The following SNTG1 variants were observed in gnomAD, a reference collection of about 807,000 sequenced individuals.
The protein encoded by SNTG1 is gamma-1-syntrophin.
SNTG1 carries 39 observed loss-of-function variants against 74.7 expected under a neutral mutation model. The observed-to-expected ratio is 0.52, with a 90% CI of 0.40 to 0.68. The LOEUF (loss-of-function observed/expected upper bound fraction) is 0.68, where lower values mean the gene tolerates loss of function less well. Ranked by LOEUF, SNTG1 falls within the 30% of genes least tolerant of loss-of-function variation. The pLI is 0.00. For synonymous variants in SNTG1, 254 were observed against 217.1 expected (o/e 1.17, Z -1.49); for missense variants, 685 against 609.5 (o/e 1.12, Z -1.30).
chr8:50,508,704 G>A (rs1186576179), intron 9 of SNTG1, among the ~76,000 whole-genome samples: 1 of 152,046 alleles, frequency 6.6e-6, no homozygotes, highest in Non-Finnish European at 1.5e-5. Flanking sequence ...GTCTGTTGGT[G>A]GCATAAATGT....
intron 1 of SNTG1, among the ~76,000 whole-genome samples, chr8:50,007,197 T>C (rs1815320331): frequency 6.6e-6 from 1 of 152,118 alleles, no homozygotes; most frequent in South Asian, 2.1e-4. Flanking sequence ...TCTTCCCTCT[T>C]TGAGGCTGCG....
At chr8:50,581,032 C>G (rs1250243982) in intron 12 of SNTG1, among the ~76,000 whole-genome samples, 1 of 152,142 alleles carries the variant, frequency 6.6e-6, no homozygotes, top group East Asian at 1.9e-4. Context: ...TGTGTAATTA[C>G]TTAAGTAAAA....
chr8:49,920,334 A>G (rs1267702846), intron 1 of SNTG1, among the ~76,000 whole-genome samples: 1 of 152,070 alleles, frequency 6.6e-6, no homozygotes, highest in Non-Finnish European at 1.5e-5. Context: ...TCACAGCAGG[A>G]CTAGGAAGCT....
intron 18 of SNTG1, among the ~76,000 whole-genome samples, chr8:50,771,875 C>G (rs1245587379): frequency 6.6e-6 from 1 of 152,040 alleles, no homozygotes; most frequent in Non-Finnish European, 1.5e-5. Flanking sequence ...TTGAAAGGCA[C>G]AAGCAGTAAG....
intron 2 of SNTG1, among the ~76,000 whole-genome samples, chr8:50,181,908 C>A (rs899996553): frequency 6.6e-6 from 1 of 151,930 alleles, no homozygotes; most frequent in Admixed American, 6.6e-5. Context: ...ATCAATAGTG[C>A]AAGAAGGGCC....
intron 2 of SNTG1, among the ~76,000 whole-genome samples, chr8:50,257,495 A>G (rs1250846245): frequency 1.3e-5 from 2 of 152,190 alleles, no homozygotes; most frequent in Non-Finnish European, 2.9e-5. Flanking sequence ...TGTTCTTTGA[A>G]CTAATTTCGA....
intron 8 of SNTG1, among the ~76,000 whole-genome samples, chr8:50,486,001 G>C (rs1365940715): frequency 2.0e-5 from 3 of 152,086 alleles, no homozygotes; most frequent in Non-Finnish European, 2.9e-5. Flanking sequence ...CGTTATTTCT[G>C]AGGGCTCTGT....
intron 17 of SNTG1, among the ~76,000 whole-genome samples, chr8:50,737,275 A>AGTTT (rs1403687014): frequency 1.1e-4 from 16 of 152,182 alleles, no homozygotes; most frequent in African/African-American, 3.9e-4. Context: ...AGAATACTAT[A>AGTTT]AACAGCTCTA....
At chr8:50,569,424 A>G (rs990854444) in intron 12 of SNTG1, among the ~76,000 whole-genome samples, 1 of 152,074 alleles carries the variant, frequency 6.6e-6, no homozygotes, top group Non-Finnish European at 1.5e-5. Flanking sequence ...TTTGGAAGCT[A>G]TATATTTAAT....
chr8:50,383,810 G>A (rs527627480), intron 2 of SNTG1, among the ~76,000 whole-genome samples: 5 of 152,136 alleles, frequency 3.3e-5, no homozygotes, highest in Non-Finnish European at 7.4e-5. Context: ...AGCTGGAGCA[G>A]CCCAATTTCC....
At chr8:50,724,526 C>T (rs56228655) in intron 17 of SNTG1, among the ~76,000 whole-genome samples, 1 of 152,068 alleles carries the variant, frequency 6.6e-6, no homozygotes, top group South Asian at 2.1e-4. Context: ...ACTGTTATCT[C>T]TAAAATATAA....
At chr8:50,413,934 C>T (rs898767049) in intron 4 of SNTG1, among the ~76,000 whole-genome samples, 4 of 152,152 alleles carry the variant, frequency 2.6e-5, no homozygotes, top group African/African-American at 9.7e-5. Context: ...ATATTTGCCT[C>T]ATAGTATTTT....
intron 18 of SNTG1, among the ~76,000 whole-genome samples, chr8:50,754,643 T>C (rs2095575829): frequency 6.6e-6 from 1 of 151,960 alleles, no homozygotes; most frequent in East Asian, 1.9e-4. Flanking sequence ...GATTTTTATA[T>C]TGTGGTCTGT....
chr8:50,294,973 C>G (rs2089297219), intron 2 of SNTG1, among the ~76,000 whole-genome samples: 1 of 152,158 alleles, frequency 6.6e-6, no homozygotes, highest in Non-Finnish European at 1.5e-5. Context: ...ACATCTCTCT[C>G]TCAGTCAACA....
chr8:50,176,179 G>T (rs1352814412), intron 2 of SNTG1, among the ~76,000 whole-genome samples: 1 of 152,180 alleles, frequency 6.6e-6, no homozygotes, highest in East Asian at 1.9e-4. Flanking sequence ...CTCTGCCCTT[G>T]ACTGCAATTG....
intron 1 of SNTG1, among the ~76,000 whole-genome samples, chr8:50,081,098 T>A (rs796199601): frequency 1.1e-4 from 17 of 152,306 alleles, no homozygotes; most frequent in African/African-American, 4.1e-4. Flanking sequence ...GAATCTTTCA[T>A]GTATGCCCAC....
chr8:50,786,521 A>G (rs1386080877), intron 18 of SNTG1, among the ~76,000 whole-genome samples: 1 of 151,970 alleles, frequency 6.6e-6, no homozygotes, highest in Non-Finnish European at 1.5e-5. Flanking sequence ...TCCTGAATGT[A>G]TATGAAATCC....
intron 15 of SNTG1, among the ~76,000 whole-genome samples, chr8:50,697,979 GT>G (rs1296184573): frequency 2.6e-5 from 4 of 152,076 alleles, no homozygotes; most frequent in African/African-American, 9.7e-5. Flanking sequence ...TTCCTTTTCA[GT>G]TTTTTGAAAA....
chr8:49,982,874 G>A (rs1282357275), intron 1 of SNTG1, among the ~76,000 whole-genome samples: 1 of 152,154 alleles, frequency 6.6e-6, no homozygotes, highest in African/African-American at 2.4e-5. Flanking sequence ...GTATTAAATT[G>A]TGAGAGATGG....
Sources: allele counts gnomAD v4.1 joint callset (sites outside exome capture counted in the v4.1 genomes callset), GRCh38; gene constraint gnomAD v4.1.1; transcripts MANE v1.5; gene names NCBI Gene and HGNC (gene_info 2026-07-23, HGNC 2026-07-21).